Variants in FUT8 observed in about 807,000 individuals in gnomAD.
FUT8 encodes fucosyltransferase 8.
FUT8 carries 29 observed loss-of-function variants against 71.3 expected under a neutral mutation model. The observed-to-expected ratio is 0.41, with a 90% CI of 0.30 to 0.55. The LOEUF is 0.55. Among genes scored for constraint, FUT8 ranks in the 20% least tolerant of loss-of-function variants. The probability of loss-of-function intolerance (pLI) is 0.34; values close to 1 mark genes in which losing one functional copy is unlikely to be tolerated. For missense variants in FUT8, 544 were observed against 702.1 expected, an observed-to-expected ratio of 0.77 and a Z score of 2.55; for synonymous variants, 254 against 239.3, an observed-to-expected ratio of 1.06 and a Z score of -0.57.
At chr14:65,729,034 G>GTTTTTTTTTTTTTTTTTTTTT (rs557668131) in intron 9 of FUT8, among the ~76,000 whole-genome samples, 2 of 103,664 alleles carry the variant, frequency 1.9e-5, no homozygotes, top group Non-Finnish European at 1.8e-5. Context: ...TTGTAAACAT[G>GTTTTTTTTTTTTTTTTTTTTT]TTTTTTTTTT....
At chr14:65,480,299 AT>A (rs5809276) in intron 2 of FUT8, among the ~76,000 whole-genome samples, 40,352 of 96,718 alleles carry the variant, frequency 0.42, 8,100 homozygotes, top group South Asian at 0.49. Flanking sequence ...ATGAACTGTG[AT>A]TTTTTTTTTT....
At chr14:65,463,300 T>C (rs573523098) in intron 2 of FUT8, among the ~76,000 whole-genome samples, 1 of 152,338 alleles carries the variant, frequency 6.6e-6, no homozygotes, top group East Asian at 1.9e-4. Context: ...AGGGCCTCAC[T>C]CTATTGCCCA....
chr14:65,630,736 G>T (rs1419486337), intron 6 of FUT8, among the ~76,000 whole-genome samples: 3 of 152,172 alleles, frequency 2.0e-5, no homozygotes, highest in Non-Finnish European at 4.4e-5. Flanking sequence ...CTGGGATAAT[G>T]GGGACATCAT....
chr14:65,696,746 C>G (rs1894016759), intron 7 of FUT8, among the ~76,000 whole-genome samples: 1 of 152,034 alleles, frequency 6.6e-6, no homozygotes, highest in African/African-American at 2.4e-5. Flanking sequence ...CTTGGATATT[C>G]TGTTCCATTC....
rs1191291931 is a variant in FUT8, at chr14:65,612,887, G to A, written c.204-3091G>A. Among the ~76,000 whole-genome samples the A allele has an allele frequency of 2.0e-5, 3 of 152,168 alleles. No individual in the cohort carries two copies. In the East Asian group the frequency reaches 5.8e-4, roughly 29 times the overall value. ...CTAGAAGTGGAAGTCTTATATATCT[G>A]TATCTTTGGCATGGTGAATGTAAGA... On this transcript the variant is annotated intron_variant, in intron 3 of 10. Coordinates refer to ENST00000673929, the MANE Select transcript of FUT8 (RefSeq NM_001371533.1).
At chr14:65,733,158 A>G in intron 9 of FUT8, 73 bp from the exon 10 acceptor site, 1 of 906,692 alleles carries the variant, frequency 1.1e-6, no homozygotes, top group South Asian at 2.1e-5. Flanking sequence ...GCTCTTAGTC[A>G]AAGGAGAAAG....
At position 65,667,695 on chromosome 14, in the gene FUT8, GA is replaced by G. The variant is rs557222825; in HGVS notation, c.598-1542del. Among the ~76,000 whole-genome samples, 13 of 152,100 alleles carry G rather than the reference GA, an allele frequency of 8.5e-5. No individual in the cohort carries two copies. In the East Asian group the frequency reaches 2.3e-3, roughly 27 times the overall value. ...CTGATTTAAAATTCATACAGAATCA[GA>G]AAAAAGCCTGAATAGCCAAAGCCAT... On this transcript the variant is annotated intron_variant, in intron 6 of 10. Transcript: ENST00000673929.
the FUT8 span, among the ~76,000 whole-genome samples, chr14:65,367,780 A>G: frequency 1.3e-5 from 2 of 152,116 alleles, no homozygotes; most frequent in African/African-American, 4.8e-5. Flanking sequence ...AAAGGCTTTT[A>G]CCCACCAAAT....
chr14:65,693,647 GTTTT>G (rs1893833173), intron 7 of FUT8, among the ~76,000 whole-genome samples: 1 of 152,286 alleles, frequency 6.6e-6, no homozygotes, highest in African/African-American at 2.4e-5. Context: ...CTATTAGTCT[GTTTT>G]CTTTCTCATG....
intron 1 of FUT8, among the ~76,000 whole-genome samples, chr14:65,423,553 C>T (rs957169294): frequency 4.6e-5 from 7 of 152,144 alleles, no homozygotes; most frequent in South Asian, 2.1e-4. Context: ...TGAGCCACCG[C>T]GCCCGGCCTA....
chr14:65,398,510 T>A, the FUT8 span, among the ~76,000 whole-genome samples: 1 of 151,524 alleles, frequency 6.6e-6, no homozygotes. Flanking sequence ...CCGAGGCGGG[T>A]GGATCACAAG....
intron 2 of FUT8, among the ~76,000 whole-genome samples, chr14:65,505,025 T>C (rs545386067): frequency 6.6e-6 from 1 of 152,314 alleles, no homozygotes; most frequent in African/African-American, 2.4e-5. Flanking sequence ...GAGACTACAT[T>C]ATTTTAGCTT....
chr14:65,687,322 A>G (rs1893341392), intron 7 of FUT8, among the ~76,000 whole-genome samples: 1 of 152,160 alleles, frequency 6.6e-6, no homozygotes, highest in African/African-American at 2.4e-5. Flanking sequence ...ATTATTTTTA[A>G]TTAACATAGA....
In FUT8 at chr14:65,561,586, G is replaced by C. The variant is rs368218345; in HGVS notation, c.23G>C (p.Trp8Ser). 4.3e-6 allele frequency: 7 copies of C among 1,613,308 alleles called. No individual in the cohort carries two copies. Among genetic ancestry groups the C allele is most frequent in the Non-Finnish European group, 5.1e-6 (6 of 1,179,512 alleles). Reference sequence around the variant, plus strand: ...AAAATGCGGCCATGGACTGGTTCCTGGCGTTGGATTATGCTCATTCTTTTT... The same window carrying C: ...AAAATGCGGCCATGGACTGGTTCCTCGCGTTGGATTATGCTCATTCTTTTT... MRPWTGS[W>S]RWIMLILFAW... is the part of the protein sequence containing the mutation. Residue 8 changes from tryptophan (W) to serine (S), a missense_variant, in exon 3 of 11, where the codon TGG (tryptophan) becomes TCG (serine). Transcript: ENST00000673929.
chr14:65,431,295 C>T (rs564111424), intron 1 of FUT8, among the ~76,000 whole-genome samples: 1,698 of 109,052 alleles, frequency 0.016, 16 homozygotes, highest in South Asian at 0.034. Flanking sequence ...GCCACTGCGC[C>T]GGCCTTTTTT....
At chr14:65,649,873 G>C (rs1891281572) in intron 6 of FUT8, among the ~76,000 whole-genome samples, 1 of 152,190 alleles carries the variant, frequency 6.6e-6, no homozygotes, top group Non-Finnish European at 1.5e-5. Flanking sequence ...TGTTGCAGTT[G>C]TGAGTTAAAT....
chr14:65,377,507 C>A, the FUT8 span, among the ~76,000 whole-genome samples: 1 of 152,158 alleles, frequency 6.6e-6, no homozygotes, highest in Non-Finnish European at 1.5e-5. Context: ...TTTTGGAATT[C>A]TTTCCAATTA....
intron 7 of FUT8, among the ~76,000 whole-genome samples, chr14:65,708,021 A>G (rs1894634010): frequency 6.6e-6 from 1 of 152,220 alleles, no homozygotes. Context: ...TGGAATTTTG[A>G]TAGGGATTGT....
chr14:65,537,349 T>TTTA (rs1365260562), intron 2 of FUT8, among the ~76,000 whole-genome samples: 12 of 151,642 alleles, frequency 7.9e-5, no homozygotes, highest in Non-Finnish European at 1.6e-4. Flanking sequence ...TGTTGGAGTT[T>TTTA]TTATTATTAT....
Sources: allele counts gnomAD v4.1 joint callset (sites outside exome capture counted in the v4.1 genomes callset), GRCh38; gene constraint gnomAD v4.1.1; transcripts MANE v1.5; gene names NCBI Gene and HGNC (gene_info 2026-07-23, HGNC 2026-07-21).